CPED1: variants seen among roughly 807,000 people sequenced by gnomAD.
CPED1 encodes the protein cadherin like and PC-esterase domain containing 1.
CPED1 carries 114 observed loss-of-function variants against 128.2 expected under a neutral mutation model. The observed-to-expected ratio is 0.89, with a 90% CI of 0.76 to 1.04. The LOEUF (loss-of-function observed/expected upper bound fraction) is 1.04. Ranked by LOEUF, CPED1 falls within the 50% of genes least tolerant of loss-of-function variation. The probability of loss-of-function intolerance (pLI) is 0.00; values close to 1 mark genes in which losing one functional copy is unlikely to be tolerated. For missense variants in CPED1, 1,211 were observed against 1,207.1 expected, an observed-to-expected ratio of 1.00 and a Z score of -0.05; for synonymous variants, 462 against 426.7, an observed-to-expected ratio of 1.08 and a Z score of -1.02.
intron 3 of CPED1, among the ~76,000 whole-genome samples, chr7:121,032,465 A>G (rs73431862): frequency 0.013 from 1,892 of 150,756 alleles, 14 homozygotes; most frequent in East Asian, 0.024. Context: ...TGCGTGTCTC[A>G]TAAGTAGGAG....
chr7:121,008,037 G>T (rs1792070080), intron 2 of CPED1, among the ~76,000 whole-genome samples: 1 of 151,738 alleles, frequency 6.6e-6, no homozygotes, highest in Non-Finnish European at 1.5e-5. Context: ...TATGGAAGGG[G>T]TGGCTTGCGG....
At chr7:121,169,571 A>G (rs1796605414) in intron 16 of CPED1, among the ~76,000 whole-genome samples, 1 of 152,220 alleles carries the variant, frequency 6.6e-6, no homozygotes, top group Non-Finnish European at 1.5e-5. Flanking sequence ...TTACTGAAGA[A>G]TATCATCAAA....
rs1379209626 is a variant in CPED1, at chr7:121,127,228, CAG to C, written c.1277_1278del (p.Arg426ThrfsTer3). ...SSLSIFSEIF[Q>X]RLYRSDVFKG... ...ACTTTCCATATTTTCTGAGATATTT[CAG>C]AGACTTTATAGATCAGATGTTTTCA... On this transcript the variant is annotated frameshift_variant, in exon 10 of 23. Transcript: ENST00000310396. LOFTEE classifies it high-confidence loss of function. The C allele has an allele frequency of 1.9e-6, 3 of 1,588,296 alleles. No individual in the cohort carries two copies. Among genetic ancestry groups the C allele is most frequent in the African/African-American group, 2.7e-5 (2 of 74,096 alleles).
chr7:121,179,425 A>G (rs1228850226), intron 16 of CPED1, among the ~76,000 whole-genome samples: 1 of 152,088 alleles, frequency 6.6e-6, no homozygotes, highest in African/African-American at 2.4e-5. Context: ...AATAAATTTA[A>G]AGGGTAGGGA....
intron 17 of CPED1, among the ~76,000 whole-genome samples, chr7:121,237,142 C>T (rs1798277957): frequency 6.6e-6 from 1 of 152,100 alleles, no homozygotes; most frequent in Non-Finnish European, 1.5e-5. Flanking sequence ...GTTGATAGCA[C>T]TCAGTAATTT....
chr7:121,006,064 C>T (rs971857845), intron 2 of CPED1, among the ~76,000 whole-genome samples: 4 of 152,108 alleles, frequency 2.6e-5, no homozygotes, highest in Admixed American at 6.6e-5. Flanking sequence ...AATGTTTGGT[C>T]GACCGCATGA....
intron 16 of CPED1, among the ~76,000 whole-genome samples, chr7:121,149,806 G>T (rs1320751345): frequency 6.6e-6 from 1 of 152,146 alleles, no homozygotes; most frequent in Admixed American, 6.6e-5. Context: ...TTTCCAATGT[G>T]ACATTTGAAA....
intron 5 of CPED1, among the ~76,000 whole-genome samples, chr7:121,071,815 C>T (rs1793998187): frequency 6.6e-6 from 1 of 152,116 alleles, no homozygotes; most frequent in Non-Finnish European, 1.5e-5. Context: ...TCTCATAGCT[C>T]TTTGAGTTTA....
chr7:121,212,635 G>C (rs1797673321), intron 16 of CPED1, among the ~76,000 whole-genome samples: 1 of 151,916 alleles, frequency 6.6e-6, no homozygotes, highest in African/African-American at 2.4e-5. Context: ...ACTCCATGAG[G>C]GCAGGGGCTA....
intron 3 of CPED1, among the ~76,000 whole-genome samples, chr7:121,043,993 A>G (rs1239391214): frequency 2.0e-5 from 3 of 152,146 alleles, no homozygotes. Context: ...AAAGCCCCGC[A>G]ATATATAGTA....
intron 5 of CPED1, among the ~76,000 whole-genome samples, chr7:121,090,767 G>T (rs1478145689): frequency 1.3e-5 from 2 of 152,066 alleles, no homozygotes; most frequent in Non-Finnish European, 2.9e-5. Context: ...TGGCCAACAT[G>T]GTGAAACCCT....
chr7:121,211,204 A>G (rs1270654523), intron 16 of CPED1, among the ~76,000 whole-genome samples: 1 of 152,054 alleles, frequency 6.6e-6, no homozygotes, highest in Non-Finnish European at 1.5e-5. Flanking sequence ...TGACCAACCT[A>G]TTGAACAGTT....
intron 2 of CPED1, among the ~76,000 whole-genome samples, chr7:120,995,872 C>CTCTTCTTCT (rs374861407): frequency 6.6e-6 from 1 of 151,106 alleles, no homozygotes; most frequent in African/African-American, 2.4e-5. Context: ...ATTCTTCTTC[C>CTCTTCTTCT]TCTTCTTCTT....
intron 16 of CPED1, among the ~76,000 whole-genome samples, chr7:121,206,265 C>T (rs1439413385): frequency 6.6e-6 from 1 of 152,002 alleles, no homozygotes; most frequent in Non-Finnish European, 1.5e-5. Flanking sequence ...ACTTTGACCT[C>T]TATTTCTCCA....
chr7:121,127,895 G>A (rs1467894429), intron 10 of CPED1, among the ~76,000 whole-genome samples: 3 of 151,952 alleles, frequency 2.0e-5, no homozygotes, highest in African/African-American at 4.8e-5. Flanking sequence ...CATCTTATAA[G>A]TTCAGAGGGT....
chr7:121,129,215 T>C (rs1795584981), intron 11 of CPED1, among the ~76,000 whole-genome samples: 1 of 149,612 alleles, frequency 6.7e-6, no homozygotes, highest in African/African-American at 2.4e-5. Context: ...TCATTAATCA[T>C]TTATTATTAC....
At chr7:121,112,585 C>G (rs1201130532) in intron 7 of CPED1, among the ~76,000 whole-genome samples, 1 of 152,206 alleles carries the variant, frequency 6.6e-6, no homozygotes, top group Non-Finnish European at 1.5e-5. Flanking sequence ...GCCTCTAAAA[C>G]TGCAAGAGAA....
At chr7:121,199,673 C>CAAAAAAAAAAAA (rs1160203035) in intron 16 of CPED1, among the ~76,000 whole-genome samples, 14 of 86,930 alleles carry the variant, frequency 1.6e-4, no homozygotes, top group African/African-American at 6.5e-4. Context: ...GAGACTCCAT[C>CAAAAAAAAAAAA]AAAAAAAAAA....
intron 16 of CPED1, among the ~76,000 whole-genome samples, chr7:121,189,057 C>T (rs1192345690): frequency 6.6e-6 from 1 of 152,118 alleles, no homozygotes; most frequent in East Asian, 1.9e-4. Context: ...AGTGACTATG[C>T]CTTATAGCAG....
Sources: allele counts gnomAD v4.1 joint callset (sites outside exome capture counted in the v4.1 genomes callset), GRCh38; gene constraint gnomAD v4.1.1; transcripts MANE v1.5; gene names NCBI Gene and HGNC (gene_info 2026-07-23, HGNC 2026-07-21).